PHF24: variants seen among roughly 807,000 people sequenced by gnomAD.
PHF24 encodes the protein PHD finger protein 24, also known as Galpha inhibitory interacting protein.
In PHF24, 25 loss-of-function variants were observed where a neutral mutation model predicts 42.6. The ratio of observed to expected loss-of-function variants is 0.59; its 90% CI spans 0.43 to 0.82. The LOEUF (loss-of-function observed/expected upper bound fraction) is 0.82. Ranked by LOEUF, PHF24 falls within the 40% of genes least tolerant of loss-of-function variation. The pLI is 0.00. For missense variants in PHF24, 470 were observed against 538.1 expected, an observed-to-expected ratio of 0.87 and a Z score of 1.25; for synonymous variants, 185 against 204.8, an observed-to-expected ratio of 0.90 and a Z score of 0.83.
the PHF24 span, among the ~76,000 whole-genome samples, chr9:34,890,579 C>A: frequency 6.6e-6 from 1 of 152,216 alleles, no homozygotes; most frequent in Non-Finnish European, 1.5e-5. Context: ...TTCAGTCCAA[C>A]CCCTTCTGGA....
the PHF24 span, chr9:34,892,519 T>C: frequency 4.9e-6 from 2 of 409,564 alleles, no homozygotes; most frequent in African/African-American, 2.0e-5. Flanking sequence ...ATATCCCACT[T>C]GTACTTGAAG....
At chr9:34,689,560 T>A in the PHF24 span, 1 of 490,046 alleles carries the variant, frequency 2.0e-6, no homozygotes, top group East Asian at 3.2e-5. This position sits in a 1 kb window ranked among gnomAD's most constrained non-coding sequence, Gnocchi z 4.1. Context: ...CTGTAACAGG[T>A]TGTGATCAAT....
At chr9:34,709,251 A>G in the PHF24 span, 2 of 1,020,108 alleles carry the variant, frequency 2.0e-6, no homozygotes, top group Admixed American at 4.4e-5. Flanking sequence ...GGGTGGTTAA[A>G]GCAGGAGAAA....
the PHF24 span, among the ~76,000 whole-genome samples, chr9:34,686,308 C>T: frequency 1.3e-5 from 2 of 152,020 alleles, no homozygotes; most frequent in East Asian, 1.9e-4. Flanking sequence ...GCTTGCCTGC[C>T]GAGAAGTTGA....
the PHF24 span, chr9:34,837,421 C>T: frequency 1.1e-5 from 5 of 460,550 alleles, no homozygotes; most frequent in Non-Finnish European, 1.6e-5. Flanking sequence ...TAGCAAATGA[C>T]ACAGCTAAGG....
chr9:34,933,859 T>A, the PHF24 span, among the ~76,000 whole-genome samples: 1 of 151,904 alleles, frequency 6.6e-6, no homozygotes, highest in East Asian at 2.0e-4. Context: ...CTGCAACCTC[T>A]GCCTCCCAGG....
chr9:34,974,368 A>T (rs1314257627), intron 3 of PHF24, among the ~76,000 whole-genome samples: 3 of 152,164 alleles, frequency 2.0e-5, no homozygotes, highest in Non-Finnish European at 4.4e-5. Flanking sequence ...TTACTTCTTT[A>T]TTCCTCTCTC....
At chr9:34,723,780 T>C in the PHF24 span, 2 of 1,551,694 alleles carry the variant, frequency 1.3e-6, no homozygotes, top group Non-Finnish European at 1.7e-6. Flanking sequence ...TTCTCAGGAA[T>C]TGTCGCTGGT....
chr9:34,746,458 T>C, the PHF24 span, among the ~76,000 whole-genome samples: 1 of 152,148 alleles, frequency 6.6e-6, no homozygotes, highest in Admixed American at 6.5e-5. Context: ...AGCAATACAC[T>C]ATGAGTGAAT....
chr9:34,901,618 G>C, the PHF24 span, among the ~76,000 whole-genome samples: 1 of 152,084 alleles, frequency 6.6e-6, no homozygotes, highest in Non-Finnish European at 1.5e-5. Flanking sequence ...AAAATAGGGG[G>C]TCGGGCGTGG....
In PHF24 at chr9:34,977,257, C is replaced by T; in HGVS notation, c.1010+14C>T. 1 of 1,574,986 alleles carries T rather than the reference C, an allele frequency of 6.3e-7. No homozygotes were observed. Among genetic ancestry groups the T allele is most frequent in the African/African-American group, 1.4e-5 (1 of 73,750 alleles). ...CTGCAGTGTCAGGTCTGCTCCTTAC[C>T]AGTCCTGGTCCCCACTCAGCCTCTC... On this transcript the variant is annotated intron_variant, in intron 6 of 7. Transcript: ENST00000242315.
At chr9:34,817,634 A>G in the PHF24 span, among the ~76,000 whole-genome samples, 2 of 152,258 alleles carry the variant, frequency 1.3e-5, no homozygotes, top group Middle Eastern at 3.4e-3. Context: ...GTGATTTGCA[A>G]ATATTTTCTA....
At chr9:34,916,151 A>G in the PHF24 span, among the ~76,000 whole-genome samples, 6 of 152,216 alleles carry the variant, frequency 3.9e-5, no homozygotes, top group Non-Finnish European at 7.3e-5. Flanking sequence ...ATATTTCTTC[A>G]TAGCAGCACG....
chr9:34,790,099 C>T, the PHF24 span, among the ~76,000 whole-genome samples: 1 of 152,194 alleles, frequency 6.6e-6, no homozygotes, highest in African/African-American at 2.4e-5. Context: ...CCTCCACCTT[C>T]ACCTCCCAAA....
At chr9:34,889,633 C>T in the PHF24 span, 2 of 398,574 alleles carry the variant, frequency 5.0e-6, no homozygotes. Context: ...ACTTCTGGAG[C>T]TTCTGGAAGG....
chr9:34,952,535 G>A, the PHF24 span, among the ~76,000 whole-genome samples: 1 of 151,986 alleles, frequency 6.6e-6, no homozygotes, highest in Non-Finnish European at 1.5e-5. Context: ...TATATCCAAA[G>A]GCAAAGGAAC....
the PHF24 span, chr9:34,690,967 A>C: frequency 1.2e-6 from 1 of 810,008 alleles, no homozygotes; most frequent in East Asian, 2.7e-5. Context: ...CGAAATATAC[A>C]GACCTAAGCA....
the PHF24 span, among the ~76,000 whole-genome samples, chr9:34,875,936 A>AAT: frequency 1.1e-5 from 1 of 87,788 alleles, no homozygotes; most frequent in East Asian, 3.1e-4. Flanking sequence ...ACACACACAC[A>AAT]CACACACACA....
chr9:34,792,546 T>C, the PHF24 span, among the ~76,000 whole-genome samples: 1 of 152,088 alleles, frequency 6.6e-6, no homozygotes. Context: ...GGTGCGTACC[T>C]GTAATCCCAG....
Sources: gnomAD v4.1 joint callset for allele counts (sites outside exome capture counted in the v4.1 genomes callset) on GRCh38, gnomAD v4.1.1 for gene constraint, Gnocchi (gnomAD v3.1) non-coding constraint, MANE v1.5 for transcripts, NCBI Gene and HGNC (gene_info 2026-07-23, HGNC 2026-07-21) for gene names.